The following ADGRE2 variants were observed in gnomAD, a reference collection of about 807,000 sequenced individuals.
The protein encoded by ADGRE2 is adhesion G protein-coupled receptor E2.
In ADGRE2, 83 loss-of-function variants were observed where a neutral mutation model predicts 100.8. The ratio of observed to expected loss-of-function variants is 0.82; its 90% CI spans 0.69 to 0.99. The LOEUF is 0.99. Ranked by LOEUF, ADGRE2 falls within the 50% of genes least tolerant of loss-of-function variation. ADGRE2 has a pLI of 0.00. For missense variants in ADGRE2, 814 were observed against 1,035.7 expected, an observed-to-expected ratio of 0.79 and a Z score of 2.94; for synonymous variants, 355 against 413.0, an observed-to-expected ratio of 0.86 and a Z score of 1.70.
Position 14,746,935 on chromosome 19 carries a change from A to C in ADGRE2, c.2052T>G (p.Phe684Leu). Reference sequence around the variant, plus strand: ...AGACAGGTCCAAGGAAGCCCCATATAAATCCCTTTTCTGGTTGGAGCCAGC... The same window carrying C: ...AGACAGGTCCAAGGAAGCCCCATATCAATCCCTTTTCTGGTTGGAGCCAGC... The part of the protein sequence containing the change: ...SRCWLQPEKG[F>L]IWGFLGPVCA... Residue 684 changes from phenylalanine to leucine, a missense_variant, in exon 17 of 21, where the codon TTT (phenylalanine) becomes TTG (leucine). By Grantham distance (22) the Phe-to-Leu change is conservative (BLOSUM62 0). Coordinates refer to ENST00000315576, the MANE Select transcript of ADGRE2 (RefSeq NM_013447.4). 1 of 1,613,712 alleles carries C rather than the reference A, an allele frequency of 6.2e-7. No homozygotes were observed. Among genetic ancestry groups the C allele is most frequent in the South Asian group, 1.1e-5 (1 of 91,004 alleles).
chr19:14,749,559 T>TGTAATATAATTATTTATAGTTAC (rs1568589649), intron 16 of ADGRE2, among the ~76,000 whole-genome samples: 5 of 139,678 alleles, frequency 3.6e-5, no homozygotes, highest in African/African-American at 1.3e-4. Flanking sequence ...TTTATAGTTA[T>TGTAATATAATTATTTATAGTTAC]GTTATGTAAT....
chr19:14,764,790 G>A (rs987719422), intron 10 of ADGRE2, among the ~76,000 whole-genome samples, 180 bp from the exon 11 acceptor site: 9 of 152,216 alleles, frequency 5.9e-5, no homozygotes, highest in Non-Finnish European at 1.0e-4. Context: ...AGGCCGATGA[G>A]GGTGGGTCAC....
the ADGRE2 span, among the ~76,000 whole-genome samples, chr19:14,725,419 C>A: frequency 6.6e-6 from 1 of 152,154 alleles, no homozygotes; most frequent in Non-Finnish European, 1.5e-5. Context: ...AAAATACAAT[C>A]ATCCCTTCTA....
chr19:14,744,057 T>C (rs2043010116), intron 18 of ADGRE2, among the ~76,000 whole-genome samples: 1 of 151,938 alleles, frequency 6.6e-6, no homozygotes, highest in Non-Finnish European at 1.5e-5. Context: ...CCGACCAACA[T>C]GGTGAAACCT....
chr19:14,777,049 G>T, intron 1 of ADGRE2, 122 bp from the exon 2 acceptor site: 1 of 1,251,776 alleles, frequency 8.0e-7, no homozygotes. Context: ...AGTGCAACCT[G>T]CTTTAAAAAT....
In ADGRE2 at chr19:14,765,312, G is replaced by A. The variant is rs367846702; in HGVS notation, c.906+8C>T. On this transcript the variant is annotated splice_region_variant and intron_variant, in intron 10 of 20. Transcript: ENST00000315576. The stretch of plus-strand genomic sequence containing the variant: ...GCCTCGCCCCCTTGCCCTGGGTCCT[G>A]TCCTTACCTGGATGGTGTTATTGGC... The A allele has an allele frequency of 3.1e-6, 5 of 1,613,952 alleles. No individual in the cohort carries two copies. In the African/African-American group the frequency reaches 6.7e-5, roughly 22 times the overall value.
In ADGRE2 at chr19:14,766,312, C is replaced by A. The variant is rs2043974064; in HGVS notation, c.557G>T (p.Ser186Ile). The A allele has an allele frequency of 5.0e-6, 8 of 1,614,104 alleles. No individual in the cohort carries two copies. The East Asian group carries it at 1.8e-4, about 36-fold the overall frequency. ...SSTHCLNNVG[S>I]YQCRCRPGWQ... ...GCCCGGGCGGCAGCGGCACTGATAG[C>A]TGCCCACGTTGTTGAGGCAGTGGGT... is the stretch of plus-strand genomic sequence containing the variant. The change falls in exon 7 of 21, where the codon AGC becomes ATC. Residue 186 changes from serine (S) to isoleucine (I), a missense_variant. By Grantham distance (142) the Ser-to-Ile change is moderately radical. This residue lies in a region of ADGRE2 where 69 missense variants were observed against 75.3 expected (regional missense o/e 0.92). Coordinates refer to ENST00000315576, the MANE Select transcript of ADGRE2 (RefSeq NM_013447.4).
chr19:14,756,425 A>G, intron 11 of ADGRE2, 80 bp from the exon 12 acceptor site: 1 of 824,328 alleles, frequency 1.2e-6, no homozygotes, highest in Non-Finnish European at 2.1e-6. Context: ...GACTTAATAT[A>G]TATACTATAT....
At chr19:14,761,556 ATT>A (rs371575950) in intron 11 of ADGRE2, among the ~76,000 whole-genome samples, 119 of 147,160 alleles carry the variant, frequency 8.1e-4, no homozygotes, top group Middle Eastern at 3.5e-3. Context: ...CCCCTATATC[ATT>A]TTTTTTTTTT....
intron 10 of ADGRE2, 120 bp downstream of exon 10, chr19:14,765,200 G>A: frequency 1.0e-6 from 1 of 967,382 alleles, no homozygotes; most frequent in Non-Finnish European, 1.6e-6. Context: ...AAGATGCTGG[G>A]AGTCAGACCA....
rs12976475 is a variant in ADGRE2, at chr19:14,766,994, G to A, written c.471C>T (p.Asp157=). 78,506 of 927,510 alleles carry A rather than the reference G, an allele frequency of 0.085. 25,898 individuals are homozygous for A. The highest frequency in any genetic ancestry group is 0.36 in the African/African-American group (12,533 of 35,016). The allele number at this position is 927,510 out of a possible 1,614,324, so 57.5% of individuals were successfully genotyped here. Residue 157 remains aspartate, a synonymous_variant, in exon 6 of 21, where the codon GAC becomes GAT. Coordinates refer to ENST00000315576, the MANE Select transcript of ADGRE2 (RefSeq NM_013447.4). The part of the protein sequence containing the change: ...CLPGFKLKPE[D]PKLCTDVNEC... ...GGCCTCTACCTGTGCAGAGCTTCGG[G>A]TCCTCAGGTTTGAGCTTGAAGCCAG...
the ADGRE2 span, among the ~76,000 whole-genome samples, chr19:14,726,335 C>T: frequency 2.0e-5 from 3 of 152,108 alleles, no homozygotes; most frequent in South Asian, 4.1e-4. Context: ...GGAAGATCCC[C>T]GAAATGCCTT....
At chr19:14,727,323 C>T in the ADGRE2 span, among the ~76,000 whole-genome samples, 27 of 152,056 alleles carry the variant, frequency 1.8e-4, no homozygotes, top group Non-Finnish European at 3.5e-4. Context: ...CCACCAAGCC[C>T]GGCCCAAGAA....
chr19:14,773,787 A>G, intron 4 of ADGRE2, 151 bp downstream of exon 4: 1 of 812,184 alleles, frequency 1.2e-6, no homozygotes, highest in African/African-American at 1.7e-5. Flanking sequence ...GCTGGGAGCC[A>G]CCACACCTGC....
intron 5 of ADGRE2, among the ~76,000 whole-genome samples, chr19:14,771,175 G>C (rs1212027336): frequency 6.6e-6 from 1 of 152,154 alleles, no homozygotes; most frequent in African/African-American, 2.4e-5. Flanking sequence ...ACTGACTGCA[G>C]GGAGAACAGG....
chr19:14,751,931 ATTTTTTTTT>A (rs199828270), intron 15 of ADGRE2, among the ~76,000 whole-genome samples: 16,473 of 133,388 alleles, frequency 0.12, 1,103 homozygotes, highest in Middle Eastern at 0.22. Context: ...ATATATATAT[ATTTTTTTTT>A]TTTTTTTTTT....
At chr19:14,760,168 G>C (rs945103773) in intron 11 of ADGRE2, among the ~76,000 whole-genome samples, 5 of 152,106 alleles carry the variant, frequency 3.3e-5, no homozygotes, top group Non-Finnish European at 7.4e-5. Context: ...TAACAAGACT[G>C]TATGATGTAT....
chr19:14,758,860 G>C (rs2043595244), intron 11 of ADGRE2, among the ~76,000 whole-genome samples: 1 of 128,418 alleles, frequency 7.8e-6, no homozygotes, highest in Admixed American at 9.1e-5. Context: ...ACTGCAGTCT[G>C]CGGGACACAG....
chr19:14,728,216 A>G (rs1024143243), downstream of ADGRE2, among the ~76,000 whole-genome samples: 1 of 152,226 alleles, frequency 6.6e-6, no homozygotes, highest in African/African-American at 2.4e-5. Context: ...CCGTCTCAAA[A>G]AAAAATTTTT....
Sources: allele counts gnomAD v4.1 joint callset (sites outside exome capture counted in the v4.1 genomes callset), GRCh38; gene constraint gnomAD v4.1.1; regional missense constraint gnomAD v4.1.1; transcripts MANE v1.5; gene names NCBI Gene and HGNC (gene_info 2026-07-23, HGNC 2026-07-21).